SFI1: variants seen among roughly 807,000 people sequenced by gnomAD.
SFI1 encodes the protein protein SFI1 homolog.
In SFI1, 195 loss-of-function variants were observed where a neutral mutation model predicts 207.5. The ratio of observed to expected loss-of-function variants is 0.94; its 90% CI spans 0.84 to 1.06. The LOEUF (loss-of-function observed/expected upper bound fraction) is 1.06. SFI1 is among the 50% of genes least tolerant of loss of function. The pLI is 0.00. For synonymous variants in SFI1, 630 were observed against 598.9 expected (o/e 1.05, Z -0.76); for missense variants, 1,634 against 1,588.0 (o/e 1.03, Z -0.49).
At chr22:31,609,927 G>C (rs553828727) in intron 22 of SFI1, among the ~76,000 whole-genome samples, 7 of 152,352 alleles carry the variant, frequency 4.6e-5, no homozygotes, top group Non-Finnish European at 5.9e-5. Flanking sequence ...GCCATGGTGG[G>C]AAGTTAGAGG....
intron 1 of SFI1, among the ~76,000 whole-genome samples, chr22:31,498,130 T>C (rs1274534589): frequency 6.6e-6 from 1 of 152,018 alleles, no homozygotes; most frequent in Non-Finnish European, 1.5e-5. Flanking sequence ...CCGTCTCAAC[T>C]AAAAAATACA....
intron 6 of SFI1, chr22:31,550,703 A>C (rs2060543749): frequency 4.6e-6 from 1 of 219,222 alleles, no homozygotes; most frequent in Admixed American, 5.4e-5. Context: ...TCTGGAGCAG[A>C]GCTGCAGTGC....
chr22:31,556,180 A>G (rs75778782), intron 6 of SFI1, among the ~76,000 whole-genome samples: 3,696 of 150,368 alleles, frequency 0.025, 132 homozygotes, highest in African/African-American at 0.085. Context: ...GCTTTGTATT[A>G]TGGAAAACTT....
At chr22:31,568,308 C>T (rs1300344880) in intron 8 of SFI1, among the ~76,000 whole-genome samples, 1 of 149,634 alleles carries the variant, frequency 6.7e-6, no homozygotes, top group Admixed American at 6.7e-5. Context: ...AGGTGGATCA[C>T]CCGAGGTCAG....
At chr22:31,542,396 G>A (rs905405088) in intron 4 of SFI1, among the ~76,000 whole-genome samples, 3 of 151,800 alleles carry the variant, frequency 2.0e-5, no homozygotes, top group Non-Finnish European at 2.9e-5. Context: ...GGGAGGCCAC[G>A]GCAGGCGGAT....
intron 6 of SFI1, chr22:31,550,651 T>C (rs2060538918): frequency 3.4e-6 from 1 of 294,850 alleles, no homozygotes; most frequent in Non-Finnish European, 6.5e-6. Flanking sequence ...CTGTGGCACC[T>C]GGGGCTGCCA....
chr22:31,617,962 A>G (rs534736642), intron 31 of SFI1, among the ~76,000 whole-genome samples, 153 bp from the exon 32 acceptor site: 1 of 152,252 alleles, frequency 6.6e-6, no homozygotes, highest in Admixed American at 6.5e-5. Context: ...TTGGCTCCCA[A>G]GCAGGGGCCT....
At chr22:31,511,829 A>G (rs1250032945) in intron 2 of SFI1, among the ~76,000 whole-genome samples, 1 of 151,602 alleles carries the variant, frequency 6.6e-6, no homozygotes, top group Non-Finnish European at 1.5e-5. Context: ...ATTTTTTTAT[A>G]TTAGTAGAGA....
At chr22:31,593,339 GCTCCTCACATCCCA>G in intron 15 of SFI1, among the ~76,000 whole-genome samples, 1 of 136,150 alleles carries the variant, frequency 7.3e-6, no homozygotes, top group African/African-American at 2.8e-5. Context: ...GGGCAGAGGC[GCTCCTCACATCCCA>G]GATGGGACGG....
intron 1 of SFI1, among the ~76,000 whole-genome samples, chr22:31,504,926 T>A: frequency 6.6e-6 from 1 of 152,174 alleles, no homozygotes; most frequent in African/African-American, 2.4e-5. Context: ...TACATCTTAA[T>A]TACTTCTGCA....
intron 8 of SFI1, among the ~76,000 whole-genome samples, chr22:31,570,656 C>T (rs1398711269): frequency 6.6e-6 from 1 of 152,060 alleles, no homozygotes; most frequent in Non-Finnish European, 1.5e-5. Context: ...AATCCCAACA[C>T]TTTGGGACGC....
rs142344603 is a variant in SFI1 at position 31,496,595 on chromosome 22, G to T, written c.-73G>T. 132 of 152,406 alleles carry T rather than the reference G, an allele frequency of 8.7e-4. No individual in the cohort carries two copies. The highest frequency in any genetic ancestry group is 3.4e-3 in the Middle Eastern group (1 of 296). The allele number at this position is 152,406 out of a possible 1,614,324, so 9.4% of individuals were successfully genotyped here. A position where few individuals can be genotyped will look rare whatever the true frequency, so the allele number is the denominator to read the frequency against. ...AGGTCCCGGATCGCCGTATACCGCCGGGTTTTCTCCCAACGTCAGGCCCGA... is the reference window on the plus strand; with the variant it reads ...AGGTCCCGGATCGCCGTATACCGCCTGGTTTTCTCCCAACGTCAGGCCCGA... On this transcript the variant is annotated 5_prime_UTR_variant, in exon 1 of 33. Coordinates refer to ENST00000400288, the MANE Select transcript of SFI1 (RefSeq NM_001007467.3).
At chr22:31,509,557 G>C (rs1314240466) in intron 2 of SFI1, among the ~76,000 whole-genome samples, 1 of 152,150 alleles carries the variant, frequency 6.6e-6, no homozygotes, top group Non-Finnish European at 1.5e-5. Flanking sequence ...AGTGGTGCTG[G>C]CAGCCGTTGG....
intron 3 of SFI1, among the ~76,000 whole-genome samples, chr22:31,530,159 G>A (rs1311558143): frequency 2.4e-5 from 2 of 82,784 alleles, no homozygotes; most frequent in Admixed American, 2.0e-4. Flanking sequence ...GCGACAGAGT[G>A]AGACTCCATC....
intron 23 of SFI1, among the ~76,000 whole-genome samples, chr22:31,611,543 A>C (rs1253947510): frequency 6.6e-6 from 1 of 152,178 alleles, no homozygotes; most frequent in African/African-American, 2.4e-5. Flanking sequence ...CTCAGCGGAA[A>C]AACCCGGTTC....
chr22:31,503,040 G>A (rs2054049333), intron 1 of SFI1, among the ~76,000 whole-genome samples: 1 of 124,978 alleles, frequency 8.0e-6, no homozygotes, highest in South Asian at 2.8e-4. Context: ...GGGCAACAAA[G>A]CGAGACTCTG....
At chr22:31,560,564 GC>G (rs1209570630) in intron 7 of SFI1, among the ~76,000 whole-genome samples, 1 of 151,746 alleles carries the variant, frequency 6.6e-6, no homozygotes, top group African/African-American at 2.4e-5. Flanking sequence ...ACCATGTCCA[GC>G]TAATTTTTTG....
intron 2 of SFI1, among the ~76,000 whole-genome samples, chr22:31,525,717 CATAGATAG>C (rs71722302): frequency 0.2 from 29,244 of 148,516 alleles, 3,066 homozygotes; most frequent in East Asian, 0.35. Context: ...CTCTGTCATT[CATAGATAG>C]ATAGATAGAT....
rs530002432 is a variant in SFI1 at position 31,518,963 on chromosome 22, G to A, written c.93-9727G>A. Among the ~76,000 whole-genome samples the A allele has an allele frequency of 7.9e-5, 12 of 152,282 alleles. No individual in the cohort carries two copies. In the East Asian group the frequency reaches 2.3e-3, roughly 29 times the overall value. The stretch of plus-strand genomic sequence containing the variant: ...AGAGTGTCCTTTGTGATTCCGCTGG[G>A]AGAGGATTCTTGGAAGCTTGCGCTT... On this transcript the variant is annotated intron_variant, in intron 2 of 32. Coordinates refer to ENST00000400288, the MANE Select transcript of SFI1 (RefSeq NM_001007467.3).
Sources: allele counts gnomAD v4.1 joint callset (sites outside exome capture counted in the v4.1 genomes callset), GRCh38; gene constraint gnomAD v4.1.1; transcripts MANE v1.5; gene names NCBI Gene and HGNC (gene_info 2026-07-23, HGNC 2026-07-21).